The following TMEM132A variants were observed in gnomAD, a reference collection of about 807,000 sequenced individuals.
The protein encoded by TMEM132A is GRP78-binding protein.
TMEM132A carries 48 observed loss-of-function variants against 69.9 expected under a neutral mutation model. The observed-to-expected ratio is 0.69, with a 90% CI of 0.55 to 0.87. TMEM132A has a LOEUF of 0.87. Among genes scored for constraint, TMEM132A ranks in the 40% least tolerant of loss-of-function variants. TMEM132A has a pLI of 0.00. For missense variants in TMEM132A, 1,287 were observed against 1,407.2 expected (o/e 0.91, Z 1.37); for synonymous variants, 577 against 613.7 (o/e 0.94, Z 0.88).
chr11:60,936,251 G>A lies in TMEM132A; in HGVS notation c.2416G>A (p.Gly806Ser). ...QVAGSVGGNT[G>S]VRGKFERAEE... ...GGCAGGCAGTGTCGGGGGCAACACA[G>A]GTGTGAGGGGCAAGTTTGAGCGGGC... The change falls in exon 11 of 11, where the codon GGT becomes AGT. Residue 806 changes from glycine (G) to serine (S), a missense_variant. Transcript: ENST00000453848. 1 of 1,614,102 alleles carries A rather than the reference G, an allele frequency of 6.2e-7. No homozygotes were observed. The highest frequency in any genetic ancestry group is 8.5e-7 in the Non-Finnish European group (1 of 1,179,998).
In TMEM132A at chr11:60,935,893, C is replaced by T. The variant is rs757692605; in HGVS notation, c.2058C>T (p.Phe686=). Residue 686 remains phenylalanine (F), a synonymous_variant, in exon 11 of 11, where the codon TTC becomes TTT. Transcript: ENST00000453848. The surrounding 1 kb of genome is among the most constrained non-coding windows in gnomAD (Gnocchi z 5.0). Reference sequence around the variant, plus strand: ...TGGCCCTCTCCCTATGGCTGTCCTTCTCTGATCACACTGTGGCCCCAGCTG... The same window carrying T: ...TGGCCCTCTCCCTATGGCTGTCCTTTTCTGATCACACTGTGGCCCCAGCTG... ...QEVALSLWLS[F]SDHTVAPAEL... is the part of the protein sequence containing the mutation. 6.2e-7 allele frequency: 1 copy of T among 1,612,086 alleles called. No homozygotes were observed. The highest frequency in any genetic ancestry group is 1.7e-5 in the Admixed American group (1 of 60,012).
At chr11:60,933,302 C>T (rs1187205532) in intron 7 of TMEM132A, 1 of 539,250 alleles carries the variant, frequency 1.9e-6, no homozygotes, top group Admixed American at 3.3e-5. Context: ...CCCACCTCAG[C>T]CTCCCCAGTA....
intron 1 of TMEM132A, chr11:60,926,931 G>A: frequency 1.8e-6 from 1 of 542,026 alleles, no homozygotes; most frequent in Non-Finnish European, 3.3e-6. Context: ...CTGTTGGCGA[G>A]AAGAAGGCCA....
Position 60,937,066 on chromosome 11 carries a change from C to G in TMEM132A, c.*159C>G. On this transcript the variant is annotated 3_prime_UTR_variant, in exon 11 of 11. Transcript: ENST00000453848. ...CCATCCAGGCCCCCTCTGCCCTGCCCCTTGTCATGGACCATGGTCGTGAGG... is the reference window on the plus strand; with the variant it reads ...CCATCCAGGCCCCCTCTGCCCTGCCGCTTGTCATGGACCATGGTCGTGAGG... The G allele has an allele frequency of 7.5e-7, 1 of 1,330,292 alleles. No homozygotes were observed. The highest frequency in any genetic ancestry group is 1.0e-6 in the Non-Finnish European group (1 of 995,326). The allele number at this position is 1,330,292 out of a possible 1,614,324, so 82.4% of individuals were successfully genotyped here.
Position 60,936,727 on chromosome 11 carries a change from G to C in TMEM132A, c.2892G>C (p.Glu964Asp), listed in dbSNP as rs766013390. 3.0e-5 allele frequency: 48 copies of C among 1,596,328 alleles called. No homozygotes were observed. The highest frequency in any genetic ancestry group is 7.1e-5 in the Admixed American group (4 of 56,254). The change falls in exon 11 of 11, where the codon GAG becomes GAC. Residue 964 changes from glutamate to aspartate, a missense_variant. By Grantham distance (45) the Glu-to-Asp change is conservative. Transcript: ENST00000453848. ...KEAGGRRKRV[E>D]FVTFAPAPPA... ...CTGGGGGGCGGCGGAAGCGAGTAGA[G>C]TTTGTGACATTTGCGCCAGCCCCTC...
Position 60,935,934 on chromosome 11 carries a change from GTGA to G in TMEM132A, c.2100_2102del (p.Asp701del), listed in dbSNP as rs1856585206. On this transcript the variant is annotated inframe_deletion, in exon 11 of 11. Coordinates refer to ENST00000453848, the MANE Select transcript of TMEM132A (RefSeq NM_178031.3). This position sits in a 1 kb window ranked among gnomAD's most constrained non-coding sequence, Gnocchi z 5.0. ...GCCCCAGCTGAGCTCTACGACCGCCGTGACCTGGGACTGTCCGTCTCAGCCGAG... is the reference window on the plus strand; with the variant it reads ...GCCCCAGCTGAGCTCTACGACCGCCGCCTGGGACTGTCCGTCTCAGCCGAG... 6.2e-7 allele frequency: 1 copy of G among 1,611,816 alleles called. No individual in the cohort carries two copies. The highest frequency in any genetic ancestry group is 8.5e-7 in the Non-Finnish European group (1 of 1,179,988).
At chr11:60,934,225 C>T (rs928567382) in intron 8 of TMEM132A, 4 of 404,284 alleles carry the variant, frequency 9.9e-6, no homozygotes, top group African/African-American at 4.2e-5. Context: ...CCCAGGGTCC[C>T]CGTAAGAGAG....
rs145457758 is a variant in TMEM132A at position 60,927,715 on chromosome 11, G to C, written c.390G>C (p.Ala130=). The part of the protein sequence containing the change: ...PWDVRAVSVE[A]AVTPAEPYAR... ...ACGTGCGGGCCGTTTCAGTGGAAGC[G>C]GCTGTGACTCCAGCAGAGCCCTACG... The change falls in exon 3 of 11, where the codon GCG becomes GCC. Residue 130 remains alanine, a synonymous_variant. Coordinates refer to ENST00000453848, the MANE Select transcript of TMEM132A (RefSeq NM_178031.3). 907 of 1,613,656 alleles carry C rather than the reference G, an allele frequency of 5.6e-4. No homozygotes were observed. The highest frequency in any genetic ancestry group is 6.7e-4 in the Non-Finnish European group (786 of 1,180,042).
chr11:60,930,792 G>A (rs1341761835), intron 5 of TMEM132A, 133 bp downstream of exon 5: 3 of 874,052 alleles, frequency 3.4e-6, no homozygotes, highest in Non-Finnish European at 5.0e-6. Context: ...TTTTTTCAAG[G>A]AAGCAGCACA....
In TMEM132A at chr11:60,935,128, C is replaced by A. The variant is rs949479943; in HGVS notation, c.1837-124C>A. The A allele has an allele frequency of 2.3e-6, 2 of 876,506 alleles. No homozygotes were observed. Among genetic ancestry groups the A allele is most frequent in the East Asian group, 2.7e-5 (1 of 37,404 alleles). The allele number at this position is 876,506 out of a possible 1,614,324, so 54.3% of individuals were successfully genotyped here. On this transcript the variant is annotated intron_variant, in intron 9 of 10. Coordinates refer to ENST00000453848, the MANE Select transcript of TMEM132A (RefSeq NM_178031.3). The surrounding 1 kb of genome is among the most constrained non-coding windows in gnomAD (Gnocchi z 5.0). ...CGGTTCCCTCTGGGTGGGGGCTGTCCGTGGCGAAGACCTCCCCCACCTCCG... is the reference window on the plus strand; with the variant it reads ...CGGTTCCCTCTGGGTGGGGGCTGTCAGTGGCGAAGACCTCCCCCACCTCCG...
intron 2 of TMEM132A, 75 bp downstream of exon 2, chr11:60,927,493 C>A (rs571144274): frequency 8.9e-6 from 13 of 1,466,198 alleles, no homozygotes; most frequent in East Asian, 4.5e-5. Context: ...AAATTGGGAG[C>A]CTTCCCCAGC....
chr11:60,930,551 C>T lies in TMEM132A; in HGVS notation c.908C>T (p.Pro303Leu), dbSNP rs1205469112. The stretch of plus-strand genomic sequence containing the variant: ...GGGCTGCATGTGACAGCCGCCCGCC[C>T]AGCCCAGCCCACACTCTGGACTGCC... ...KKGLHVTAARPAQPTLWTAKL... is the reference protein window; with the variant it reads ...KKGLHVTAARLAQPTLWTAKL... The change falls in exon 5 of 11, where the codon CCA (proline) becomes CTA (leucine). Residue 303 changes from proline to leucine, a missense_variant. Transcript: ENST00000453848. The T allele has an allele frequency of 6.2e-7, 1 of 1,611,302 alleles. No homozygotes were observed. The highest frequency in any genetic ancestry group is 1.1e-5 in the South Asian group (1 of 90,760).
At chr11:60,930,737 GC>G in intron 5 of TMEM132A, 78 bp downstream of exon 5, 1 of 1,402,554 alleles carries the variant, frequency 7.1e-7, no homozygotes, top group Non-Finnish European at 9.5e-7. Context: ...TTTGGAGGCT[GC>G]CATGCTGCCT....
intron 5 of TMEM132A, among the ~76,000 whole-genome samples, chr11:60,931,271 C>G (rs1403274740): frequency 6.6e-6 from 1 of 152,234 alleles, no homozygotes; most frequent in Non-Finnish European, 1.5e-5. Context: ...GTTCCCAGCA[C>G]ATAGGTTTTT....
Position 60,937,106 on chromosome 11 carries a change from C to T in TMEM132A, c.*199C>T. ...TGGTCGTGAGGAAGGGCTCATGCCC[C>T]TTATTTATGGGAACCATTTCATTCT... is the stretch of plus-strand genomic sequence containing the variant. On this transcript the variant is annotated 3_prime_UTR_variant, in exon 11 of 11. Transcript: ENST00000453848. 1 of 1,472,892 alleles carries T rather than the reference C, an allele frequency of 6.8e-7. No homozygotes were observed. Among genetic ancestry groups the T allele is most frequent in the Non-Finnish European group, 9.1e-7 (1 of 1,103,584 alleles). 91.2% of individuals were successfully genotyped at this position (1,472,892 alleles called of 1,614,324 possible).
Position 60,935,700 on chromosome 11 carries a change from G to T in TMEM132A, c.2029-164G>T. Reference sequence around the variant, plus strand: ...AGACCCTAGGGCTGAGTGGCAGACAGGTGATTGACACGCGTCCCCTCTCTC... The same window carrying T: ...AGACCCTAGGGCTGAGTGGCAGACATGTGATTGACACGCGTCCCCTCTCTC... On this transcript the variant is annotated intron_variant, in intron 10 of 10. Coordinates refer to ENST00000453848, the MANE Select transcript of TMEM132A (RefSeq NM_178031.3). This position sits in a 1 kb window ranked among gnomAD's most constrained non-coding sequence, Gnocchi z 5.0. 1 of 898,538 alleles carries T rather than the reference G, an allele frequency of 1.1e-6. No individual in the cohort carries two copies. Among genetic ancestry groups the T allele is most frequent in the South Asian group, 1.7e-5 (1 of 60,462 alleles). The allele number at this position is 898,538 out of a possible 1,614,324, so 55.7% of individuals were successfully genotyped here.
At chr11:60,934,410 G>A (rs1270843088) in intron 8 of TMEM132A, 78 bp from the exon 9 acceptor site, 25 of 1,228,018 alleles carry the variant, frequency 2.0e-5, no homozygotes, top group Non-Finnish European at 2.6e-5. Flanking sequence ...GACGAGCTGC[G>A]GGTCTCCAGC....
intron 1 of TMEM132A, 71 bp from the exon 2 acceptor site, chr11:60,927,133 C>A: frequency 7.5e-7 from 1 of 1,332,696 alleles, no homozygotes; most frequent in Non-Finnish European, 1.1e-6. Flanking sequence ...TACTGTGCCC[C>A]AGCATGGCAC....
At chr11:60,927,536 A>T (rs1856373356) in intron 2 of TMEM132A, 105 bp from the exon 3 acceptor site, 4 of 1,402,878 alleles carry the variant, frequency 2.9e-6, no homozygotes, top group African/African-American at 1.4e-5. Flanking sequence ...CAGAGGGGGA[A>T]ACTGAGGCCC....
Sources: gnomAD v4.1 joint callset for allele counts (sites outside exome capture counted in the v4.1 genomes callset) on GRCh38, gnomAD v4.1.1 for gene constraint, Gnocchi (gnomAD v3.1) non-coding constraint, MANE v1.5 for transcripts, NCBI Gene and HGNC (gene_info 2026-07-23, HGNC 2026-07-21) for gene names.